The following ABCB5 variants were observed in gnomAD, a reference collection of about 807,000 sequenced individuals.
ABCB5 encodes ATP-binding cassette sub-family B member 5.
A neutral mutation model predicts 144.2 loss-of-function variants in ABCB5; 155 were observed. That is an observed-to-expected ratio of 1.08 (90% CI 0.94 to 1.23). The LOEUF (loss-of-function observed/expected upper bound fraction) is 1.23. Ranked by LOEUF, ABCB5 falls within the 50% of genes most tolerant of loss-of-function variation. The probability of loss-of-function intolerance (pLI) is 0.00; values close to 1 mark genes in which losing one functional copy is unlikely to be tolerated. For synonymous variants in ABCB5, 610 were observed against 528.6 expected (o/e 1.15, Z -2.11); for missense variants, 1,830 against 1,520.8 (o/e 1.20, Z -3.38).
intron 20 of ABCB5, among the ~76,000 whole-genome samples, chr7:20,717,326 T>C (rs574072741): frequency 6.6e-6 from 1 of 152,094 alleles, no homozygotes; most frequent in African/African-American, 2.4e-5. Flanking sequence ...GAACAAGATG[T>C]CCGCACGATT....
intron 20 of ABCB5, among the ~76,000 whole-genome samples, chr7:20,712,253 T>C (rs113448881): frequency 0.02 from 2,999 of 147,522 alleles, 234 homozygotes; most frequent in African/African-American, 0.067. Flanking sequence ...TATCCTTATC[T>C]TTTTTCCTCT....
At chr7:20,662,140 G>C (rs1327195170) in intron 14 of ABCB5, among the ~76,000 whole-genome samples, 1 of 152,200 alleles carries the variant, frequency 6.6e-6, no homozygotes, top group Non-Finnish European at 1.5e-5. Flanking sequence ...CAAATCTAAG[G>C]CATCATTATT....
intron 5 of ABCB5, among the ~76,000 whole-genome samples, chr7:20,635,321 T>A (rs749960882): frequency 6.6e-6 from 1 of 152,086 alleles, no homozygotes; most frequent in Non-Finnish European, 1.5e-5. Flanking sequence ...TAGTACAATT[T>A]GAAATCAGGT....
chr7:20,618,068 A>G (rs970403151), intron 1 of ABCB5, among the ~76,000 whole-genome samples: 14 of 152,210 alleles, frequency 9.2e-5, no homozygotes, highest in African/African-American at 3.1e-4. Flanking sequence ...TTCACATATC[A>G]TAGAATGTAC....
At chr7:20,657,724 C>T (rs1379169032) in intron 13 of ABCB5, among the ~76,000 whole-genome samples, 2 of 152,112 alleles carry the variant, frequency 1.3e-5, no homozygotes, top group Non-Finnish European at 2.9e-5. Flanking sequence ...TTTGTCAATA[C>T]TCATAGACTT....
intron 14 of ABCB5, among the ~76,000 whole-genome samples, chr7:20,677,086 T>G (rs1335506068): frequency 1.3e-5 from 2 of 152,126 alleles, no homozygotes; most frequent in Non-Finnish European, 2.9e-5. Context: ...GTATTACGAG[T>G]TTTTATTGAG....
chr7:20,624,084 G>A (rs577748281), intron 2 of ABCB5, among the ~76,000 whole-genome samples: 1 of 152,280 alleles, frequency 6.6e-6, no homozygotes, highest in Admixed American at 6.5e-5. Context: ...TTTTCCCAAA[G>A]TAAATGTTCT....
At chr7:20,651,086 A>C (rs1784567780) in intron 12 of ABCB5, among the ~76,000 whole-genome samples, 1 of 152,196 alleles carries the variant, frequency 6.6e-6, no homozygotes. Flanking sequence ...GGTCACATCC[A>C]AAACTGAAGT....
At chr7:20,635,362 C>T (rs886411693) in intron 5 of ABCB5, among the ~76,000 whole-genome samples, 2 of 145,650 alleles carry the variant, frequency 1.4e-5, no homozygotes, top group Non-Finnish European at 3.0e-5. Flanking sequence ...GTTCTTTCTG[C>T]TTATAGTTGT....
At chr7:20,693,731 G>C (rs149754579) in intron 16 of ABCB5, among the ~76,000 whole-genome samples, 2 of 151,584 alleles carry the variant, frequency 1.3e-5, no homozygotes, top group Non-Finnish European at 2.9e-5. Flanking sequence ...ATACAAAGCT[G>C]GTTCTCTGGG....
chr7:20,660,044 A>G, intron 14 of ABCB5: 1 of 985,470 alleles, frequency 1.0e-6, no homozygotes, highest in Non-Finnish European at 1.2e-6. Flanking sequence ...AGAAGGTTTC[A>G]TGTTGTGCCC....
At chr7:20,753,890 A>G (rs1783006384) in intron 27 of ABCB5, among the ~76,000 whole-genome samples, 1 of 152,242 alleles carries the variant, frequency 6.6e-6, no homozygotes, top group African/African-American at 2.4e-5. Context: ...AGTAATCTAC[A>G]CTGCAGGGTC....
chr7:20,632,862 G>A (rs909067393), intron 5 of ABCB5, among the ~76,000 whole-genome samples: 7 of 149,378 alleles, frequency 4.7e-5, no homozygotes, highest in African/African-American at 2.5e-5. Context: ...GGACTGTTGT[G>A]GGGTTGGGGG....
chr7:20,719,495 A>G (rs931159688), intron 20 of ABCB5, among the ~76,000 whole-genome samples: 3 of 152,242 alleles, frequency 2.0e-5, no homozygotes, highest in Non-Finnish European at 2.9e-5. Context: ...AATCGTATCC[A>G]AAGTATACAC....
intron 2 of ABCB5, among the ~76,000 whole-genome samples, chr7:20,625,835 G>T (rs906430444): frequency 6.6e-6 from 1 of 152,158 alleles, no homozygotes; most frequent in Admixed American, 6.5e-5. Context: ...GAGTTGAAGA[G>T]ATATTTGTAC....
intron 14 of ABCB5, among the ~76,000 whole-genome samples, chr7:20,671,659 T>C (rs914932787): frequency 4.6e-5 from 7 of 152,250 alleles, no homozygotes; most frequent in African/African-American, 1.7e-4. Context: ...AGTTTGTTTC[T>C]TTTTATTGAT....
At chr7:20,623,608 T>C (rs143055196) in intron 2 of ABCB5, among the ~76,000 whole-genome samples, 2 of 152,288 alleles carry the variant, frequency 1.3e-5, no homozygotes, top group African/African-American at 4.8e-5. Context: ...CATCGTTAAT[T>C]TCTTGTCCAC....
intron 14 of ABCB5, among the ~76,000 whole-genome samples, chr7:20,678,946 T>C (rs1785696769): frequency 1.3e-5 from 2 of 152,226 alleles, no homozygotes; most frequent in Non-Finnish European, 2.9e-5. Context: ...CATTGACTTC[T>C]ACTTGGCATC....
At chr7:20,662,346 T>C (rs1259035460) in intron 14 of ABCB5, among the ~76,000 whole-genome samples, 1 of 152,212 alleles carries the variant, frequency 6.6e-6, no homozygotes, top group Admixed American at 6.5e-5. Flanking sequence ...TCTTATGTTG[T>C]ATTTATACTA....
Sources: allele counts gnomAD v4.1 joint callset (sites outside exome capture counted in the v4.1 genomes callset), GRCh38; gene constraint gnomAD v4.1.1; transcripts MANE v1.5; gene names NCBI Gene and HGNC (gene_info 2026-07-23, HGNC 2026-07-21).